Variants in LARS2 observed in about 807,000 individuals in gnomAD.
The protein encoded by LARS2 is leucyl-tRNA synthetase 2, mitochondrial, also known as leucine--tRNA ligase, mitochondrial.
Under a neutral mutation model 116.6 loss-of-function variants are expected in LARS2, and 81 were observed. The observed-to-expected ratio is 0.69, with a 90% confidence interval of 0.58 to 0.84. LARS2 has a LOEUF of 0.84. LARS2 is among the 40% of genes least tolerant of loss of function. The probability of loss-of-function intolerance (pLI) is 0.00; values close to 1 mark genes in which losing one functional copy is unlikely to be tolerated. For missense variants in LARS2, 968 were observed against 1,114.5 expected (o/e 0.87, Z 1.87); for synonymous variants, 396 against 407.2 (o/e 0.97, Z 0.33).
At chr3:45,519,076 C>T (rs1184959782) in intron 18 of LARS2, among the ~76,000 whole-genome samples, 4 of 152,208 alleles carry the variant, frequency 2.6e-5, no homozygotes, top group African/African-American at 4.8e-5. Context: ...GTTGGAAACT[C>T]TTGACATCCT....
chr3:45,390,563 C>T (rs930059702), intron 1 of LARS2, among the ~76,000 whole-genome samples: 2 of 152,086 alleles, frequency 1.3e-5, no homozygotes, highest in Non-Finnish European at 2.9e-5. Flanking sequence ...CTGCCCGCCT[C>T]AGCCTCCGAA....
chr3:45,519,363 C>T (rs11717056), intron 18 of LARS2, among the ~76,000 whole-genome samples: 70,476 of 150,248 alleles, frequency 0.47, 19,827 homozygotes, highest in East Asian at 0.78. Context: ...TGGTGGCACG[C>T]GCCTGTAATC....
intron 6 of LARS2, 127 bp downstream of exon 6, chr3:45,419,856 A>G (rs368388377): frequency 3.1e-5 from 23 of 736,916 alleles, no homozygotes; most frequent in African/African-American, 3.0e-4. Flanking sequence ...GGGAAGGATT[A>G]GCACTCTTCA....
At position 45,419,673 on chromosome 3, in the gene LARS2, A is replaced by G; in HGVS notation, c.460A>G (p.Ile154Val). ...CTTTTTCCCATTGTTTCACAGTAAT[A>G]TTAAACACATGAGGAAACAGCTTGA... Reference protein sequence around the residue: ...LHPQSWTQSNIKHMRKQLDRL... With the variant: ...LHPQSWTQSNVKHMRKQLDRL... Residue 154 changes from isoleucine (I) to valine (V), a missense_variant, in exon 6 of 22, where the codon ATT becomes GTT. Coordinates refer to ENST00000645846, the MANE Select transcript of LARS2 (RefSeq NM_015340.4). 2 of 1,613,506 alleles carry G rather than the reference A, an allele frequency of 1.2e-6. No individual in the cohort carries two copies. Among genetic ancestry groups the G allele is most frequent in the Non-Finnish European group, 8.5e-7 (1 of 1,179,400 alleles).
intron 8 of LARS2, among the ~76,000 whole-genome samples, chr3:45,473,854 T>C (rs933622112): frequency 6.6e-6 from 1 of 152,224 alleles, no homozygotes; most frequent in Non-Finnish European, 1.5e-5. Flanking sequence ...TGTTTAGTTG[T>C]GGAACACTCA....
In LARS2 at chr3:45,430,003, C is replaced by CTTTTTTTTTTTTTTT. The variant is rs66989698; in HGVS notation, c.516+10286_516+10300dup. On this transcript the variant is annotated intron_variant, in intron 6 of 21. Transcript: ENST00000645846. Reference sequence around the variant, plus strand: ...AGGCATGAGCCACCATGCCCAGCCTCTTTTTTTTTTTTTTTTTTTTTTTTT... The same window carrying CTTTTTTTTTTTTTTT: ...AGGCATGAGCCACCATGCCCAGCCTCTTTTTTTTTTTTTTTTTTTTTTTTTTTTTTTTTTTTTTTT... Among the ~76,000 whole-genome samples the CTTTTTTTTTTTTTTT allele has an allele frequency of 3.5e-5, 2 of 56,952 alleles. 1 individual carries two copies. Among genetic ancestry groups the CTTTTTTTTTTTTTTT allele is most frequent in the African/African-American group, 1.5e-4 (2 of 13,090 alleles). The allele number at this position is 56,952 out of a possible 152,430, so 37.4% of individuals were successfully genotyped here. A position where few individuals can be genotyped will look rare whatever the true frequency, so the allele number is the denominator to read the frequency against.
At chr3:45,476,325 A>G (rs1699608307) in intron 9 of LARS2, 143 bp from the exon 10 acceptor site, 1 of 827,708 alleles carries the variant, frequency 1.2e-6, no homozygotes, top group Admixed American at 2.2e-5. Flanking sequence ...GCACCATCTC[A>G]ATCCCCACAC....
intron 13 of LARS2, among the ~76,000 whole-genome samples, chr3:45,494,974 A>G (rs534169462): frequency 6.6e-6 from 1 of 152,286 alleles, no homozygotes; most frequent in African/African-American, 2.4e-5. Flanking sequence ...AGGCTGAGGC[A>G]GGAGAATTGC....
intron 20 of LARS2, among the ~76,000 whole-genome samples, chr3:45,534,688 C>T (rs1353376816): frequency 6.6e-6 from 1 of 152,154 alleles, no homozygotes; most frequent in East Asian, 1.9e-4. Context: ...GTGAAGTCCT[C>T]TTGGCATAAT....
intron 15 of LARS2, among the ~76,000 whole-genome samples, chr3:45,512,019 C>A (rs532835993): frequency 9.9e-5 from 15 of 152,238 alleles, no homozygotes; most frequent in African/African-American, 3.1e-4. Context: ...AGGCAATCCA[C>A]CTGCCTCGGC....
chr3:45,535,753 C>CAT (rs1700694212), intron 20 of LARS2, among the ~76,000 whole-genome samples: 1 of 50,072 alleles, frequency 2.0e-5, no homozygotes, highest in African/African-American at 3.5e-5. Flanking sequence ...GTTACACACA[C>CAT]ACACACACAC....
chr3:45,500,689 T>C, intron 15 of LARS2, 110 bp downstream of exon 15: 1 of 780,206 alleles, frequency 1.3e-6, no homozygotes, highest in Non-Finnish European at 2.0e-6. Flanking sequence ...ATACTAGTTT[T>C]CTAGTATGCT....
intron 19 of LARS2, among the ~76,000 whole-genome samples, chr3:45,522,229 T>G (rs1054467453): frequency 6.6e-6 from 1 of 152,222 alleles, no homozygotes; most frequent in Non-Finnish European, 1.5e-5. Context: ...GGCTATCAGG[T>G]TGATTGTGTT....
At chr3:45,419,366 C>T (rs1490608527) in intron 5 of LARS2, among the ~76,000 whole-genome samples, 2 of 152,148 alleles carry the variant, frequency 1.3e-5, no homozygotes, top group Non-Finnish European at 2.9e-5. Flanking sequence ...CTGGACGGGC[C>T]AGCAGTGCAC....
intron 6 of LARS2, among the ~76,000 whole-genome samples, chr3:45,423,738 A>T (rs1698550180): frequency 6.6e-6 from 1 of 152,092 alleles, no homozygotes; most frequent in Admixed American, 6.5e-5. Context: ...TTCATTTAAA[A>T]TTTTTTCATT....
chr3:45,447,233 C>G (rs373555059), intron 7 of LARS2, among the ~76,000 whole-genome samples: 1 of 152,244 alleles, frequency 6.6e-6, no homozygotes, highest in East Asian at 1.9e-4. Flanking sequence ...GAAGAAAGAA[C>G]ACAGGCTTCT....
chr3:45,418,323 T>A (rs1177697303), intron 5 of LARS2, among the ~76,000 whole-genome samples: 1 of 152,244 alleles, frequency 6.6e-6, no homozygotes, highest in Non-Finnish European at 1.5e-5. Flanking sequence ...TACCCAAGGA[T>A]ACATTGTAAA....
chr3:45,510,413 CA>C (rs34214238), intron 15 of LARS2, among the ~76,000 whole-genome samples: 1 of 151,036 alleles, frequency 6.6e-6, no homozygotes. Flanking sequence ...GACCCTGTCT[CA>C]AAAAAAAATC....
At chr3:45,412,918 A>T (rs1331539625) in intron 4 of LARS2, among the ~76,000 whole-genome samples, 3 of 152,254 alleles carry the variant, frequency 2.0e-5, no homozygotes, top group Admixed American at 2.0e-4. Flanking sequence ...CTTCCAGTGC[A>T]CAGATGGCTG....
Sources: allele counts gnomAD v4.1 joint callset (sites outside exome capture counted in the v4.1 genomes callset), GRCh38; gene constraint gnomAD v4.1.1; transcripts MANE v1.5; gene names NCBI Gene and HGNC (gene_info 2026-07-23, HGNC 2026-07-21).